ZBTB10: variants seen among roughly 807,000 people sequenced by gnomAD.
The protein encoded by ZBTB10 is zinc finger and BTB domain-containing protein 10.
Under a neutral mutation model 76.4 loss-of-function variants are expected in ZBTB10, and 32 were observed. The observed-to-expected ratio is 0.42, with a 90% CI of 0.32 to 0.56. ZBTB10 has a LOEUF of 0.56. ZBTB10 is among the 20% of genes least tolerant of loss of function. The pLI, the probability that ZBTB10 is intolerant of heterozygous loss-of-function variation, is 0.14. For missense variants in ZBTB10, 1,057 were observed against 1,098.5 expected, an observed-to-expected ratio of 0.96 and a Z score of 0.53; for synonymous variants, 523 against 432.9, an observed-to-expected ratio of 1.21 and a Z score of -2.58.
intron 1 of ZBTB10, among the ~76,000 whole-genome samples, chr8:80,492,083 T>A (rs188195057): frequency 2.0e-5 from 3 of 152,242 alleles, no homozygotes; most frequent in African/African-American, 7.2e-5. Context: ...TTTAACACTT[T>A]AGGAAGAAAG....
intron 3 of ZBTB10, among the ~76,000 whole-genome samples, chr8:80,516,873 C>T (rs1816337283): frequency 6.6e-6 from 1 of 152,156 alleles, no homozygotes; most frequent in Non-Finnish European, 1.5e-5. Flanking sequence ...TTTGGGTAAA[C>T]ATTCTTTACT....
chr8:80,497,343 A>C (rs190643388), intron 1 of ZBTB10, among the ~76,000 whole-genome samples: 1 of 152,274 alleles, frequency 6.6e-6, no homozygotes, highest in African/African-American at 2.4e-5. Context: ...CAAAAACAAA[A>C]ATAAGGGTAT....
At chr8:80,513,774 A>T in intron 2 of ZBTB10, 136 bp from the exon 3 acceptor site, 1 of 671,956 alleles carries the variant, frequency 1.5e-6, no homozygotes, top group Non-Finnish European at 2.6e-6. Flanking sequence ...TGAGCCTTGT[A>T]GTATTGAACA....
intron 1 of ZBTB10, among the ~76,000 whole-genome samples, chr8:80,488,656 G>A (rs376558055): frequency 2.5e-4 from 38 of 152,274 alleles, no homozygotes; most frequent in African/African-American, 8.9e-4. Flanking sequence ...TTAGTTCTTA[G>A]TCCTTGTTTT....
Position 80,487,456 on chromosome 8 carries a change from G to T in ZBTB10, c.646G>T (p.Asp216Tyr). Residue 216 changes from aspartate to tyrosine, a missense_variant, in exon 1 of 6, where the codon GAC (aspartate) becomes TAC (tyrosine). Transcript: ENST00000455036. ...CAGGCGGTCGGGCGGCGATGGCGGGGACGAAGTGGAGGGCAGCGGTGTGGG... is the reference window on the plus strand; with the variant it reads ...CAGGCGGTCGGGCGGCGATGGCGGGTACGAAGTGGAGGGCAGCGGTGTGGG... ...SSRRSGGDGGDEVEGSGVGAG... is the reference protein window; with the variant it reads ...SSRRSGGDGGYEVEGSGVGAG... 1 of 1,547,478 alleles carries T rather than the reference G, an allele frequency of 6.5e-7. No individual in the cohort carries two copies. Among genetic ancestry groups the T allele is most frequent in the South Asian group, 1.2e-5 (1 of 83,978 alleles).
chr8:80,517,872 T>G (rs1251181956), intron 3 of ZBTB10, among the ~76,000 whole-genome samples: 39 of 58,834 alleles, frequency 6.6e-4, no homozygotes, highest in Admixed American at 5.2e-3. Context: ...GCCCGCCACC[T>G]TTTTTTTTTT....
chr8:80,506,561 C>A (rs1816058135), intron 2 of ZBTB10, among the ~76,000 whole-genome samples: 1 of 123,348 alleles, frequency 8.1e-6, no homozygotes, highest in Non-Finnish European at 1.6e-5. Flanking sequence ...TCAGGTGATC[C>A]ACCCCCCCCC....
At chr8:80,502,291 A>T (rs1475021708) in intron 2 of ZBTB10, among the ~76,000 whole-genome samples, 1 of 152,176 alleles carries the variant, frequency 6.6e-6, no homozygotes, top group Admixed American at 6.5e-5. Flanking sequence ...GCTGGAGTGC[A>T]GTGGCACAGT....
At chr8:80,514,879 T>C (rs1396879635) in intron 3 of ZBTB10, among the ~76,000 whole-genome samples, 1 of 152,238 alleles carries the variant, frequency 6.6e-6, no homozygotes, top group African/African-American at 2.4e-5. Context: ...CTGTTTAGCT[T>C]GTATCTAATG....
Position 80,519,270 on chromosome 8 carries a change from C to T in ZBTB10, c.2358C>T (p.Ile786=). ...KKYKCMVCKK[I]FMLAASVGIR... ...ACAAATGTATGGTGTGTAAGAAGAT[C>T]TTCATGTTAGCAGCCAGTGTTGGAA... Residue 786 remains isoleucine (I), a synonymous_variant, in exon 6 of 6, where the codon ATC becomes ATT. Transcript: ENST00000455036. The T allele has an allele frequency of 1.9e-6, 3 of 1,613,744 alleles. No homozygotes were observed. The highest frequency in any genetic ancestry group is 2.5e-6 in the Non-Finnish European group (3 of 1,179,792).
At chr8:80,515,363 AAG>A (rs1237867363) in intron 3 of ZBTB10, among the ~76,000 whole-genome samples, 1 of 152,214 alleles carries the variant, frequency 6.6e-6, no homozygotes, top group Non-Finnish European at 1.5e-5. Context: ...ACTTGTTACT[AAG>A]AGTAGTCGTG....
At position 80,519,484 on chromosome 8, in the gene ZBTB10, C is replaced by T. The variant is rs765699429; in HGVS notation, c.2572C>T (p.Arg858Ter). The T allele has an allele frequency of 4.3e-6, 7 of 1,611,784 alleles. No individual in the cohort carries two copies. Among genetic ancestry groups the T allele is most frequent in the Non-Finnish European group, 5.1e-6 (6 of 1,179,058 alleles). The change falls in exon 6 of 6, where the codon CGA (arginine) becomes TGA (stop). Residue 858 changes from arginine to a stop codon, truncating the protein, a stop_gained. Coordinates refer to ENST00000455036, the MANE Select transcript of ZBTB10 (RefSeq NM_001105539.3). LOFTEE classifies it high-confidence loss of function. ...DDGEDQNDPS[R>*]WDESGEVCMS... is the part of the protein sequence containing the mutation. ...TGGAGAAGATCAGAATGATCCCTCT[C>T]GATGGGATGAATCAGGAGAAGTTTG...
rs1036564132 is a variant in ZBTB10, at chr8:80,486,550, G to T, written c.-261G>T. On this transcript the variant is annotated 5_prime_UTR_variant, in exon 1 of 6. Coordinates refer to ENST00000455036, the MANE Select transcript of ZBTB10 (RefSeq NM_001105539.3). ...CCTTCTCCGCGCGGGACGCTGCCCG[G>T]AGCGCGGCGGGGCGGGGGTGGAGGA... 281 of 985,950 alleles carry T rather than the reference G, an allele frequency of 2.9e-4. No homozygotes were observed. The highest frequency in any genetic ancestry group is 3.3e-4 in the Non-Finnish European group (272 of 830,576). 61.1% of individuals were successfully genotyped at this position (985,950 alleles called of 1,614,324 possible).
At chr8:80,485,744 TA>T (rs1212820687), upstream of ZBTB10, 1 of 1,519,620 alleles carries the variant, frequency 6.6e-7, no homozygotes, top group Admixed American at 2.0e-5. Context: ...AGGAACAAAA[TA>T]AGTTCACTTC....
chr8:80,509,932 T>G (rs1013777704), intron 2 of ZBTB10, among the ~76,000 whole-genome samples: 14 of 152,128 alleles, frequency 9.2e-5, no homozygotes, highest in African/African-American at 3.1e-4. Flanking sequence ...ATTACAGACA[T>G]GAGCCATTGT....
At chr8:80,495,561 A>T (rs562210) in intron 1 of ZBTB10, among the ~76,000 whole-genome samples, 1 of 151,966 alleles carries the variant, frequency 6.6e-6, no homozygotes, top group East Asian at 1.9e-4. Flanking sequence ...TTAGATACAC[A>T]TGCTTTCTGC....
At chr8:80,501,305 G>A (rs377130573) in intron 2 of ZBTB10, among the ~76,000 whole-genome samples, 39 of 152,292 alleles carry the variant, frequency 2.6e-4, no homozygotes, top group Non-Finnish European at 4.0e-4. Flanking sequence ...AGTTCCGTAG[G>A]AATCTTAGAG....
rs1816533463 is a variant in ZBTB10, at chr8:80,525,109, A to C, written c.*5581A>C. 6.6e-6 allele frequency: 1 copy of C among 152,168 alleles called. No homozygotes were observed. Among genetic ancestry groups the C allele is most frequent in the African/African-American group, 2.4e-5 (1 of 41,456 alleles). 9.4% of individuals were successfully genotyped at this position (152,168 alleles called of 1,614,324 possible). On this transcript the variant is annotated 3_prime_UTR_variant, in exon 6 of 6. Coordinates refer to ENST00000455036, the MANE Select transcript of ZBTB10 (RefSeq NM_001105539.3). ...TTAGACACCAAGTTTGGCTTAATAG[A>C]AAAAGTCACTATCTGAACTTCTTTC... is the stretch of plus-strand genomic sequence containing the variant.
chr8:80,518,939 A>G lies in ZBTB10; in HGVS notation c.2295A>G (p.Val765=), dbSNP rs764744248. The G allele has an allele frequency of 1.3e-6, 2 of 1,599,582 alleles. No homozygotes were observed. ...CGKLFTRREH[V]KRHSLVHKKD... ...AACTGTTTACTCGAAGAGAACATGT[A>G]AAAAGACATTCCCTGGTAAGTAACT... is the stretch of plus-strand genomic sequence containing the variant. Residue 765 remains valine (V), a synonymous_variant, in exon 5 of 6, where the codon GTA becomes GTG. Transcript: ENST00000455036.
Sources: allele counts gnomAD v4.1 joint callset (sites outside exome capture counted in the v4.1 genomes callset), GRCh38; gene constraint gnomAD v4.1.1; transcripts MANE v1.5; gene names NCBI Gene and HGNC (gene_info 2026-07-23, HGNC 2026-07-21).